FREM3: variants seen among roughly 807,000 people sequenced by gnomAD.
FREM3 encodes the protein FRAS1 related extracellular matrix 3.
In FREM3, 105 loss-of-function variants were observed where a neutral mutation model predicts 129.1. That is an observed-to-expected ratio of 0.81 (90% CI 0.69 to 0.96). The LOEUF is 0.96. FREM3 is among the 40% of genes least tolerant of loss of function. The pLI is 0.00. For missense variants in FREM3, 2,593 were observed against 2,666.3 expected (o/e 0.97, Z 0.61); for synonymous variants, 1,014 against 1,044.9 (o/e 0.97, Z 0.57).
intron 2 of FREM3, among the ~76,000 whole-genome samples, chr4:143,663,458 T>C (rs1381971217): frequency 2.6e-5 from 4 of 152,178 alleles, no homozygotes; most frequent in Non-Finnish European, 4.4e-5. Flanking sequence ...GATCTGCTGT[T>C]AGTCGGATGT....
chr4:143,643,423 T>TA (rs34189966), intron 2 of FREM3, among the ~76,000 whole-genome samples: 149,152 of 151,716 alleles, frequency 0.98, 73,356 homozygotes, highest in East Asian at 1. Context: ...ACACAATGTT[T>TA]TATTATATAA....
intron 2 of FREM3, among the ~76,000 whole-genome samples, chr4:143,657,583 A>G (rs1379211865): frequency 6.6e-6 from 1 of 152,206 alleles, no homozygotes; most frequent in Admixed American, 6.5e-5. Context: ...GGTTTTAATC[A>G]GTTACTGGAA....
chr4:143,617,694 G>A (rs551285520), intron 5 of FREM3, among the ~76,000 whole-genome samples: 1 of 151,152 alleles, frequency 6.6e-6, no homozygotes, highest in South Asian at 2.1e-4. Context: ...ATTTGGGAAG[G>A]AAAAAGTGAA....
At chr4:143,617,377 G>A (rs1450462343) in intron 5 of FREM3, among the ~76,000 whole-genome samples, 2 of 152,096 alleles carry the variant, frequency 1.3e-5, no homozygotes, top group African/African-American at 2.4e-5. Context: ...GCATGGGACA[G>A]CCCCCACAAT....
chr4:143,692,514 A>T (rs1342070230), intron 2 of FREM3, among the ~76,000 whole-genome samples: 12 of 152,168 alleles, frequency 7.9e-5, no homozygotes, highest in Admixed American at 7.2e-4. Flanking sequence ...TAATCATTGA[A>T]TCCCTAGGTG....
chr4:143,668,570 T>G (rs984945935), intron 2 of FREM3, among the ~76,000 whole-genome samples: 9 of 152,242 alleles, frequency 5.9e-5, no homozygotes, highest in African/African-American at 2.2e-4. Context: ...ATGAAAGGGC[T>G]GAAATTTTAT....
chr4:143,679,759 T>C (rs568466125), intron 2 of FREM3, among the ~76,000 whole-genome samples: 3 of 152,186 alleles, frequency 2.0e-5, no homozygotes, highest in Non-Finnish European at 2.9e-5. Context: ...ATCTTGCTTA[T>C]AGCTTGTCCA....
At chr4:143,690,307 C>T (rs1247246497) in intron 2 of FREM3, among the ~76,000 whole-genome samples, 1 of 152,182 alleles carries the variant, frequency 6.6e-6, no homozygotes, top group East Asian at 1.9e-4. Flanking sequence ...GATTTGGACA[C>T]AGACAGCCTG....
intron 4 of FREM3, among the ~76,000 whole-genome samples, chr4:143,622,493 T>G (rs187666385): frequency 6.6e-5 from 10 of 152,074 alleles, no homozygotes; most frequent in Admixed American, 5.9e-4. Flanking sequence ...GTATATTAAT[T>G]TTTTTCTTCT....
chr4:143,652,899 G>T (rs1277559811), intron 2 of FREM3, among the ~76,000 whole-genome samples: 1 of 152,166 alleles, frequency 6.6e-6, no homozygotes, highest in African/African-American at 2.4e-5. Context: ...TAAGTGCTAG[G>T]ATTATAGGCA....
At chr4:143,628,990 G>A (rs1739094388) in intron 2 of FREM3, among the ~76,000 whole-genome samples, 1 of 152,094 alleles carries the variant, frequency 6.6e-6, no homozygotes, top group African/African-American at 2.4e-5. Context: ...GGCCAGTTAA[G>A]GAGGCAACAG....
chr4:143,685,234 A>G (rs891958426), intron 2 of FREM3, among the ~76,000 whole-genome samples: 12 of 152,222 alleles, frequency 7.9e-5, no homozygotes, highest in Non-Finnish European at 1.5e-4. Context: ...AATAATCTTA[A>G]GAGCTGTGAG....
chr4:143,591,888 G>T (rs1043913301), intron 6 of FREM3, among the ~76,000 whole-genome samples: 3 of 152,148 alleles, frequency 2.0e-5, no homozygotes, highest in Non-Finnish European at 2.9e-5. Context: ...TCTCTTTGTA[G>T]GTCACTAAGG....
At chr4:143,643,190 T>C (rs1350832661) in intron 2 of FREM3, among the ~76,000 whole-genome samples, 2 of 152,112 alleles carry the variant, frequency 1.3e-5, no homozygotes, top group East Asian at 1.9e-4. Flanking sequence ...ACAGCAATGA[T>C]GGGAAACAGT....
At chr4:143,648,912 C>T (rs991590084) in intron 2 of FREM3, among the ~76,000 whole-genome samples, 2 of 152,044 alleles carry the variant, frequency 1.3e-5, no homozygotes, top group African/African-American at 4.8e-5. Flanking sequence ...CATGTGTGCA[C>T]CACCACACCC....
intron 2 of FREM3, among the ~76,000 whole-genome samples, chr4:143,651,729 G>A (rs541356378): frequency 1.3e-5 from 2 of 152,234 alleles, no homozygotes; most frequent in East Asian, 1.9e-4. Flanking sequence ...ATCCAATGTC[G>A]ACATCAGGAA....
At chr4:143,695,458 G>C (rs1320345824) in intron 1 of FREM3, 33 bp downstream of exon 1, 1 of 1,492,270 alleles carries the variant, frequency 6.7e-7, no homozygotes, top group African/African-American at 1.4e-5. Flanking sequence ...TGAAGGAGAG[G>C]GACAGAATAG....
chr4:143,620,983 A>G (rs908072786), intron 5 of FREM3, 54 bp downstream of exon 5: 34 of 1,509,578 alleles, frequency 2.3e-5, no homozygotes, highest in Admixed American at 6.0e-5. Flanking sequence ...GCATTACCAC[A>G]GTCTTGTTCT....
intron 2 of FREM3, among the ~76,000 whole-genome samples, chr4:143,664,220 C>T (rs1739804879): frequency 6.6e-6 from 1 of 152,020 alleles, no homozygotes; most frequent in South Asian, 2.1e-4. Context: ...GTGGTTTTAT[C>T]TACTTTTGGT....
Sources: gnomAD v4.1 joint callset for allele counts (sites outside exome capture counted in the v4.1 genomes callset) on GRCh38, gnomAD v4.1.1 for gene constraint, MANE v1.5 for transcripts, NCBI Gene and HGNC (gene_info 2026-07-23, HGNC 2026-07-21) for gene names.